ABCB7: variants seen among roughly 807,000 people sequenced by gnomAD.
ABCB7 encodes the protein iron-sulfur clusters transporter ABCB7, mitochondrial.
A neutral mutation model predicts 54.4 loss-of-function variants in ABCB7; 7 were observed. That is an observed-to-expected ratio of 0.13 (90% CI 0.07 to 0.24). The LOEUF (loss-of-function observed/expected upper bound fraction) is 0.24. Among genes scored for constraint, ABCB7 ranks in the 10% least tolerant of loss-of-function variants. The pLI is 1.00. For missense variants in ABCB7, 356 were observed against 570.4 expected, an observed-to-expected ratio of 0.62 and a Z score of 3.83; for synonymous variants, 218 against 207.1, an observed-to-expected ratio of 1.05 and a Z score of -0.45.
At chrX:75,139,613 C>T (rs752543128) in intron 1 of ABCB7, among the ~76,000 whole-genome samples, 7 of 112,245 alleles carry the variant, frequency 6.2e-5, no homozygotes, top group South Asian at 3.7e-4. Flanking sequence ...TTTAAACTCA[C>T]ATTACATTTT....
intron 1 of ABCB7, among the ~76,000 whole-genome samples, chrX:75,115,786 TGG>T (rs375102120): frequency 1.2e-4 from 11 of 91,961 alleles, no homozygotes; most frequent in African/African-American, 3.9e-4. Context: ...GTGTGTGTGT[TGG>T]GGGGGGGGGC....
chrX:75,133,974 A>G (rs2081992536), intron 1 of ABCB7, among the ~76,000 whole-genome samples: 1 of 112,072 alleles, frequency 8.9e-6, no homozygotes, highest in Admixed American at 9.4e-5. Flanking sequence ...TCAAATATGC[A>G]CCTTAATTAA....
chrX:75,096,906 CA>C (rs1300151314), intron 4 of ABCB7, among the ~76,000 whole-genome samples: 2 of 110,690 alleles, frequency 1.8e-5, no homozygotes, highest in African/African-American at 3.3e-5. Context: ...TATTTCAGTA[CA>C]AATTGCTATT....
intron 1 of ABCB7, among the ~76,000 whole-genome samples, chrX:75,120,863 T>G (rs1245204099): frequency 2.7e-5 from 3 of 110,488 alleles, no homozygotes; most frequent in Non-Finnish European, 3.8e-5. Context: ...CAGATTATCC[T>G]GGGACCTCAA....
chrX:75,115,554 C>T (rs2081808919), intron 1 of ABCB7, among the ~76,000 whole-genome samples: 1 of 106,946 alleles, frequency 9.4e-6, no homozygotes, highest in South Asian at 4.2e-4. Context: ...TTATTATGCT[C>T]CACATCTTGT....
chrX:75,113,159 T>A (rs1430110545), intron 2 of ABCB7, among the ~76,000 whole-genome samples, 187 bp from the exon 3 acceptor site: 2 of 112,240 alleles, frequency 1.8e-5, no homozygotes, highest in Non-Finnish European at 3.8e-5. Flanking sequence ...TTAAAAATAT[T>A]AAGATACAAC....
chrX:75,109,126 C>T (rs2081733552), intron 3 of ABCB7, among the ~76,000 whole-genome samples: 1 of 111,476 alleles, frequency 9.0e-6, no homozygotes, highest in Admixed American at 9.5e-5. Flanking sequence ...ACTGGAAAGC[C>T]ACAAATTATA....
At chrX:75,151,635 A>C (rs554837353) in intron 1 of ABCB7, among the ~76,000 whole-genome samples, 6 of 111,984 alleles carry the variant, frequency 5.4e-5, no homozygotes, top group African/African-American at 1.9e-4. Context: ...GAGGTACTAT[A>C]TAAAAAGGGC....
Position 75,052,805 on chromosome X carries a change from AACAACAAAAC to A in ABCB7, c.*555_*564del, listed in dbSNP as rs1453498779. On this transcript the variant is annotated 3_prime_UTR_variant, in exon 16 of 16. Coordinates refer to ENST00000373394, the MANE Select transcript of ABCB7 (RefSeq NM_001271696.3). The stretch of plus-strand genomic sequence containing the variant: ...AAAAAAAAAACAACAAAAAACAAAA[AACAACAAAAC>A]AAAAAAGAAAAAAGTAAGTAACCTA... 1 of 90,542 alleles carries A rather than the reference AACAACAAAAC, an allele frequency of 1.1e-5. No homozygotes were observed. The highest frequency in any genetic ancestry group is 1.2e-4 in the Admixed American group (1 of 8,587). 7.5% of individuals were successfully genotyped at this position (90,542 alleles called of 1,213,427 possible). A position where few individuals can be genotyped will look rare whatever the true frequency, so the allele number is the denominator to read the frequency against.
intron 1 of ABCB7, among the ~76,000 whole-genome samples, chrX:75,120,217 CAT>C (rs965145805): frequency 1.8e-5 from 2 of 112,293 alleles, no homozygotes; most frequent in African/African-American, 3.2e-5. Flanking sequence ...AAATTTGGAG[CAT>C]ATATGTTTCT....
At position 75,061,454 on chromosome X, in the gene ABCB7, T is replaced by C. The variant is rs762767357; in HGVS notation, c.1935+874A>G. On this transcript the variant is annotated intron_variant, in intron 14 of 15. Transcript: ENST00000373394. ...CCTGTGAATGGGGTCTGGTCCTGCT[T>C]ATGGGTCACTTTAAATATATGCTAA... Among the ~76,000 whole-genome samples, 48 of 111,643 alleles carry C rather than the reference T, an allele frequency of 4.3e-4. 1 individual carries two copies. Among genetic ancestry groups the C allele is most frequent in the South Asian group, 3.7e-4 (1 of 2,681 alleles).
At chrX:75,063,288 T>C (rs748372056) in intron 13 of ABCB7, among the ~76,000 whole-genome samples, 5 of 111,250 alleles carry the variant, frequency 4.5e-5, no homozygotes, top group African/African-American at 6.5e-5. Flanking sequence ...TATAGAACTA[T>C]AGTTGGAAGT....
rs1303248091 is a variant in ABCB7, at chrX:75,051,767, A to G, written c.*1603T>C. ...TGATCATCTAAAGAGTATAATATGT[A>G]ATACTCTATTTACCTAAATGTTAAT... On this transcript the variant is annotated 3_prime_UTR_variant, in exon 16 of 16. Transcript: ENST00000373394. The G allele has an allele frequency of 8.9e-6, 1 of 112,561 alleles. No individual in the cohort carries two copies. The highest frequency in any genetic ancestry group is 1.9e-5 in the Non-Finnish European group (1 of 53,292). 9.3% of individuals were successfully genotyped at this position (112,561 alleles called of 1,213,427 possible).
At chrX:75,082,391 A>G (rs1345291351) in intron 4 of ABCB7, among the ~76,000 whole-genome samples, 1 of 111,807 alleles carries the variant, frequency 8.9e-6, no homozygotes, top group Non-Finnish European at 1.9e-5. Context: ...CAGATTAAGG[A>G]AAACTAAGAG....
At chrX:75,103,692 T>C (rs918405447) in intron 3 of ABCB7, among the ~76,000 whole-genome samples, 5 of 109,955 alleles carry the variant, frequency 4.5e-5, no homozygotes, top group Admixed American at 9.7e-5. Flanking sequence ...TTGCACCTCC[T>C]TGGTTAGATT....
At chrX:75,104,632 C>G (rs2081673307) in intron 3 of ABCB7, among the ~76,000 whole-genome samples, 1 of 111,100 alleles carries the variant, frequency 9.0e-6, no homozygotes, top group African/African-American at 3.3e-5. Flanking sequence ...ATAACTGGCA[C>G]TAATCCTACT....
intron 3 of ABCB7, among the ~76,000 whole-genome samples, chrX:75,100,043 C>A (rs961581255): frequency 9.0e-6 from 1 of 110,562 alleles, no homozygotes; most frequent in African/African-American, 3.3e-5. Context: ...AATAATTTTG[C>A]CCTTTGTGTC....
chrX:75,132,824 C>T (rs949101246), intron 1 of ABCB7, among the ~76,000 whole-genome samples: 2 of 112,151 alleles, frequency 1.8e-5, no homozygotes, highest in African/African-American at 3.2e-5. Context: ...CCTTTGAAAA[C>T]GTCCAGAAAC....
chrX:75,071,748 T>G, intron 8 of ABCB7, 65 bp from the exon 9 acceptor site: 1 of 811,268 alleles, frequency 1.2e-6, no homozygotes, highest in Non-Finnish European at 1.8e-6. Flanking sequence ...AAGTGATTAG[T>G]ATACTTTTCA....
Sources: gnomAD v4.1 joint callset for allele counts (sites outside exome capture counted in the v4.1 genomes callset) on GRCh38, gnomAD v4.1.1 for gene constraint, MANE v1.5 for transcripts, NCBI Gene and HGNC (gene_info 2026-07-23, HGNC 2026-07-21) for gene names.